The following FAM168A variants were observed in gnomAD, a reference collection of about 807,000 sequenced individuals.
FAM168A encodes family with sequence similarity 168 member A, also known as protein FAM168A.
A neutral mutation model predicts 28.5 loss-of-function variants in FAM168A; 3 were observed. The ratio of observed to expected loss-of-function variants is 0.11; its 90% confidence interval spans 0.05 to 0.27. The LOEUF (loss-of-function observed/expected upper bound fraction) is 0.27, where lower values mean the gene tolerates loss of function less well. Ranked by LOEUF, FAM168A falls within the 10% of genes least tolerant of loss-of-function variation. FAM168A has a pLI of 1.00. For missense variants in FAM168A, 222 were observed against 311.5 expected, an observed-to-expected ratio of 0.71 and a Z score of 2.16; for synonymous variants, 122 against 124.2, an observed-to-expected ratio of 0.98 and a Z score of 0.12.
At chr11:73,563,148 T>A (rs998828690) in intron 1 of FAM168A, among the ~76,000 whole-genome samples, 1 of 152,232 alleles carries the variant, frequency 6.6e-6, no homozygotes, top group African/African-American at 2.4e-5. Flanking sequence ...CAGGATTTCA[T>A]CCCCATCAGG....
intron 1 of FAM168A, among the ~76,000 whole-genome samples, chr11:73,480,972 T>A (rs1590806600): frequency 1.3e-5 from 2 of 152,220 alleles, no homozygotes; most frequent in Non-Finnish European, 2.9e-5. Flanking sequence ...TACTCTCTTG[T>A]CTCTGAGTCT....
chr11:73,559,499 C>T (rs1238093229), intron 1 of FAM168A, among the ~76,000 whole-genome samples: 1 of 151,928 alleles, frequency 6.6e-6, no homozygotes, highest in African/African-American at 2.4e-5. Flanking sequence ...GCATGAACAT[C>T]AAAAACATTA....
At chr11:73,527,762 A>G (rs1943465998) in intron 1 of FAM168A, among the ~76,000 whole-genome samples, 1 of 152,080 alleles carries the variant, frequency 6.6e-6, no homozygotes, top group South Asian at 2.1e-4. Context: ...TTCCTGTTCT[A>G]TGCTAAATGA....
chr11:73,553,270 G>C (rs1381976066), intron 1 of FAM168A, among the ~76,000 whole-genome samples: 1 of 152,000 alleles, frequency 6.6e-6, no homozygotes, highest in Non-Finnish European at 1.5e-5. Context: ...TATTACCTAA[G>C]GGATTGGTCA....
intron 1 of FAM168A, among the ~76,000 whole-genome samples, chr11:73,584,194 A>G (rs1254964775): frequency 6.6e-6 from 1 of 150,562 alleles, no homozygotes; most frequent in Non-Finnish European, 1.5e-5. Context: ...TTTTTTTGAG[A>G]CATTGTCTCA....
At position 73,576,960 on chromosome 11, in the gene FAM168A, A is replaced by AG. The variant is rs528526864; in HGVS notation, c.-19+20962_-19+20963insC. Among the ~76,000 whole-genome samples, 4 of 152,312 alleles carry AG rather than the reference A, an allele frequency of 2.6e-5. No individual in the cohort carries two copies. In the East Asian group the frequency reaches 7.7e-4, roughly 29 times the overall value. ...TAGGTGCCTCCCATTATTTAAAAAA[A>AG]AAAAAAAAATTCCTTTGCAATAACT... On this transcript the variant is annotated intron_variant, in intron 1 of 7. Transcript: ENST00000356467.
At chr11:73,585,195 T>A (rs1944297625) in intron 1 of FAM168A, among the ~76,000 whole-genome samples, 1 of 152,246 alleles carries the variant, frequency 6.6e-6, no homozygotes, top group East Asian at 1.9e-4. Flanking sequence ...CTTCTTCATA[T>A]ACTGAAAGTC....
chr11:73,563,151 C>T (rs558501620), intron 1 of FAM168A, among the ~76,000 whole-genome samples: 6 of 152,264 alleles, frequency 3.9e-5, no homozygotes, highest in African/African-American at 1.4e-4. Context: ...GATTTCATCC[C>T]CATCAGGTAT....
intron 1 of FAM168A, among the ~76,000 whole-genome samples, chr11:73,570,471 G>A (rs1944073156): frequency 6.6e-6 from 1 of 152,180 alleles, no homozygotes; most frequent in South Asian, 2.1e-4. Flanking sequence ...ACTGGACACA[G>A]TGACTCACAC....
intron 1 of FAM168A, among the ~76,000 whole-genome samples, chr11:73,536,863 T>C (rs558361951): frequency 1.3e-5 from 2 of 152,314 alleles, no homozygotes; most frequent in Admixed American, 6.5e-5. Flanking sequence ...AACGGATCCA[T>C]ATGTGGATAA....
intron 1 of FAM168A, among the ~76,000 whole-genome samples, chr11:73,562,543 T>G (rs537402033): frequency 6.6e-6 from 1 of 152,148 alleles, no homozygotes; most frequent in African/African-American, 2.4e-5. Flanking sequence ...GAATAGAAGG[T>G]TGGCCTGGCA....
chr11:73,437,908 C>T (rs994037059), intron 2 of FAM168A, among the ~76,000 whole-genome samples: 14 of 152,208 alleles, frequency 9.2e-5, no homozygotes, highest in Non-Finnish European at 1.8e-4. Flanking sequence ...CTTCCCTCAT[C>T]CTGACTGCTC....
chr11:73,510,091 C>T (rs1185737563), intron 1 of FAM168A, among the ~76,000 whole-genome samples: 12 of 152,178 alleles, frequency 7.9e-5, no homozygotes, highest in African/African-American at 2.9e-4. Flanking sequence ...CCATGAAAAT[C>T]ATACCAATCC....
At chr11:73,412,564 C>T (rs928715306) in intron 4 of FAM168A, among the ~76,000 whole-genome samples, 13 of 152,180 alleles carry the variant, frequency 8.5e-5, no homozygotes, top group East Asian at 1.9e-4. Context: ...AAAATGGAAT[C>T]GTTCTACGGA....
At chr11:73,426,864 T>C (rs1866895458) in intron 3 of FAM168A, among the ~76,000 whole-genome samples, 1 of 152,208 alleles carries the variant, frequency 6.6e-6, no homozygotes, top group South Asian at 2.1e-4. Context: ...CTACCCTCTC[T>C]TATGGATTTT....
At chr11:73,416,240 G>A (rs1021335565) in intron 4 of FAM168A, among the ~76,000 whole-genome samples, 1 of 152,214 alleles carries the variant, frequency 6.6e-6, no homozygotes, top group African/African-American at 2.4e-5. Flanking sequence ...ATAATAAAAA[G>A]AGTATGTACA....
At chr11:73,447,557 CA>C (rs1183575850) in intron 2 of FAM168A, among the ~76,000 whole-genome samples, 1,944 of 89,500 alleles carry the variant, frequency 0.022, 26 homozygotes, top group African/African-American at 0.049. Flanking sequence ...GACCCTGTCT[CA>C]AAAAAAAAAA....
intron 1 of FAM168A, among the ~76,000 whole-genome samples, chr11:73,517,394 C>T (rs200276106): frequency 1.3e-5 from 2 of 152,104 alleles, no homozygotes; most frequent in African/African-American, 2.4e-5. Flanking sequence ...TTTCCACCCC[C>T]CTTCCCCTCA....
intron 1 of FAM168A, among the ~76,000 whole-genome samples, chr11:73,478,561 CA>C (rs1035337510): frequency 6.6e-6 from 1 of 151,870 alleles, no homozygotes; most frequent in African/African-American, 2.4e-5. Flanking sequence ...TGTAAATTCA[CA>C]AAAAAACACT....
Sources: allele counts gnomAD v4.1 joint callset (sites outside exome capture counted in the v4.1 genomes callset), GRCh38; gene constraint gnomAD v4.1.1; transcripts MANE v1.5; gene names NCBI Gene and HGNC (gene_info 2026-07-23, HGNC 2026-07-21).